PDE7B: variants seen among roughly 807,000 people sequenced by gnomAD.
PDE7B encodes the protein 3',5'-cyclic-AMP phosphodiesterase 7B.
PDE7B carries 29 observed loss-of-function variants against 56.2 expected under a neutral mutation model. That is an observed-to-expected ratio of 0.52 (90% CI 0.38 to 0.70). The LOEUF is 0.70. PDE7B is among the 30% of genes least tolerant of loss of function. The pLI, the probability that PDE7B is intolerant of heterozygous loss-of-function variation, is 0.00. For synonymous variants in PDE7B, 197 were observed against 196.9 expected (o/e 1.00, Z 0.00); for missense variants, 490 against 565.0 (o/e 0.87, Z 1.35).
In PDE7B at chr6:135,906,827, T is replaced by TTTTTTTGTTTTTTTTTTTTTG. The variant is rs1562434150; in HGVS notation, c.22-40631_22-40630insGTTTTTTTTTTTTTGTTTTTT. 1.8e-3 allele frequency among the ~76,000 whole-genome samples: 234 copies of TTTTTTTGTTTTTTTTTTTTTG among 133,504 alleles called. 6 individuals carry two copies. Among genetic ancestry groups the TTTTTTTGTTTTTTTTTTTTTG allele is most frequent in the Non-Finnish European group, 2.9e-3 (176 of 61,206 alleles). 87.6% of individuals were successfully genotyped at this position (133,504 alleles called of 152,430 possible). A position where few individuals can be genotyped will look rare whatever the true frequency, so the allele number is the denominator to read the frequency against. On this transcript the variant is annotated intron_variant, in intron 1 of 12. Transcript: ENST00000308191. ...TGAGGTTTGTTTTTTTTTTTTTTTT[T>TTTTTTTGTTTTTTTTTTTTTG]TTTTTTTTTAATCCTCTAGGCTTTT... is the stretch of plus-strand genomic sequence containing the variant.
Position 135,903,705 on chromosome 6 carries a change from A to T in PDE7B, c.22-43759A>T, listed in dbSNP as rs190458845. ...CACATTAGAATTAAAATAGCATCAA[A>T]ACATTAAATTCCTTTTTAAAGTGGT... On this transcript the variant is annotated intron_variant, in intron 1 of 12. Coordinates refer to ENST00000308191, the MANE Select transcript of PDE7B (RefSeq NM_018945.4). Among the ~76,000 whole-genome samples the T allele has an allele frequency of 1.7e-3, 252 of 152,320 alleles. 3 individuals are homozygous for T. Among genetic ancestry groups the T allele is most frequent in the South Asian group, 8.1e-3 (39 of 4,822 alleles).
chr6:136,177,114 A>AG (rs1056518244), intron 9 of PDE7B, among the ~76,000 whole-genome samples: 2 of 151,780 alleles, frequency 1.3e-5, no homozygotes, highest in Non-Finnish European at 2.9e-5. Context: ...TTTCTTAAAG[A>AG]GGAAAAAAAA....
At chr6:136,071,281 G>A (rs565152148) in intron 2 of PDE7B, 16 of 152,290 alleles carry the variant, frequency 1.1e-4, no homozygotes, top group African/African-American at 3.9e-4. Context: ...AGTCAAGATG[G>A]TTCAGTTTAA....
chr6:135,971,755 A>G (rs1052978705), intron 2 of PDE7B, among the ~76,000 whole-genome samples: 5 of 152,196 alleles, frequency 3.3e-5, no homozygotes, highest in African/African-American at 1.2e-4. Context: ...CACTGGAGAT[A>G]AACTACCCAC....
At chr6:136,182,089 CTTGAAGTG>C (rs1779075966) in intron 11 of PDE7B, among the ~76,000 whole-genome samples, 1 of 152,162 alleles carries the variant, frequency 6.6e-6, no homozygotes, top group African/African-American at 2.4e-5. Flanking sequence ...ACAAATAAAG[CTTGAAGTG>C]TCCCACATAC....
intron 3 of PDE7B, among the ~76,000 whole-genome samples, chr6:136,129,760 A>G (rs1778084634): frequency 6.6e-6 from 1 of 152,222 alleles, no homozygotes; most frequent in Non-Finnish European, 1.5e-5. Context: ...GTACTCAGCT[A>G]AATTTATTCT....
chr6:136,018,137 T>A (rs1776009872), intron 2 of PDE7B, among the ~76,000 whole-genome samples: 1 of 152,170 alleles, frequency 6.6e-6, no homozygotes, highest in Non-Finnish European at 1.5e-5. Context: ...TTGGGACAAA[T>A]CATTTGAATC....
intron 2 of PDE7B, among the ~76,000 whole-genome samples, chr6:135,962,275 A>T (rs773270732): frequency 6.6e-6 from 1 of 152,102 alleles, no homozygotes; most frequent in Middle Eastern, 3.2e-3. Flanking sequence ...GTTTTCATGG[A>T]CTTTATACAT....
At chr6:136,043,575 C>A (rs199654053) in intron 2 of PDE7B, among the ~76,000 whole-genome samples, 53 of 106,832 alleles carry the variant, frequency 5.0e-4, no homozygotes, top group South Asian at 1.0e-3. Flanking sequence ...GACATAATAG[C>A]AAAAAAAAAA....
chr6:135,936,526 G>A (rs755192532), intron 1 of PDE7B, among the ~76,000 whole-genome samples: 4 of 152,148 alleles, frequency 2.6e-5, no homozygotes, highest in South Asian at 2.1e-4. Context: ...TCACAGTGTC[G>A]TCTGTCCAGG....
intron 2 of PDE7B, among the ~76,000 whole-genome samples, chr6:135,967,531 G>A (rs1049569878): frequency 2.6e-5 from 4 of 152,146 alleles, no homozygotes; most frequent in African/African-American, 9.7e-5. Context: ...CTATCGCTGT[G>A]AAGGAGACAG....
intron 1 of PDE7B, among the ~76,000 whole-genome samples, chr6:135,910,264 T>A (rs1168320447): frequency 6.6e-6 from 1 of 152,192 alleles, no homozygotes; most frequent in African/African-American, 2.4e-5. Context: ...CTTACCAATA[T>A]CTGTGCTTAG....
intron 2 of PDE7B, among the ~76,000 whole-genome samples, chr6:136,077,896 C>T (rs1777148517): frequency 6.6e-6 from 1 of 152,160 alleles, no homozygotes. Flanking sequence ...TATTTGTTTC[C>T]ATGATCATTT....
At chr6:136,091,953 C>T (rs145026608) in intron 2 of PDE7B, among the ~76,000 whole-genome samples, 94 of 152,308 alleles carry the variant, frequency 6.2e-4, no homozygotes, top group Middle Eastern at 3.4e-3. Context: ...ATCCATTCAA[C>T]AGTTACAATT....
chr6:136,054,058 A>T (rs1190766171), intron 2 of PDE7B, among the ~76,000 whole-genome samples: 1 of 151,928 alleles, frequency 6.6e-6, no homozygotes, highest in Non-Finnish European at 1.5e-5. Flanking sequence ...TCTTTAGTTT[A>T]ATTAGATCCC....
At chr6:136,129,919 C>A (rs757176243) in intron 3 of PDE7B, among the ~76,000 whole-genome samples, 8 of 152,128 alleles carry the variant, frequency 5.3e-5, no homozygotes, top group Non-Finnish European at 1.0e-4. Context: ...CTTTTTTGTG[C>A]ATTTCTATGC....
intron 2 of PDE7B, among the ~76,000 whole-genome samples, chr6:136,061,201 T>C (rs1776832910): frequency 6.6e-6 from 1 of 152,138 alleles, no homozygotes; most frequent in African/African-American, 2.4e-5. Flanking sequence ...TCTGCATGTG[T>C]GTGTGTTTCT....
intron 1 of PDE7B, among the ~76,000 whole-genome samples, chr6:135,884,613 T>C (rs1018342741): frequency 6.6e-6 from 1 of 152,216 alleles, no homozygotes; most frequent in African/African-American, 2.4e-5. Context: ...CTATTGACTA[T>C]GGCATTTAAT....
At chr6:136,025,820 CTG>C (rs1776140790) in intron 2 of PDE7B, among the ~76,000 whole-genome samples, 1 of 152,220 alleles carries the variant, frequency 6.6e-6, no homozygotes, top group African/African-American at 2.4e-5. Flanking sequence ...ACTTGAATAT[CTG>C]TTGTCCATGC....
Sources: gnomAD v4.1 joint callset for allele counts (sites outside exome capture counted in the v4.1 genomes callset) on GRCh38, gnomAD v4.1.1 for gene constraint, MANE v1.5 for transcripts, NCBI Gene and HGNC (gene_info 2026-07-23, HGNC 2026-07-21) for gene names.